RNF185: variants seen among roughly 807,000 people sequenced by gnomAD.
RNF185 encodes ring finger protein 185.
In RNF185, 13 loss-of-function variants were observed where a neutral mutation model predicts 24.9. That is an observed-to-expected ratio of 0.52 (90% CI 0.34 to 0.83). RNF185 has a LOEUF of 0.83. RNF185 is among the 40% of genes least tolerant of loss of function. The pLI is 0.01. For missense variants in RNF185, 184 were observed against 244.7 expected, an observed-to-expected ratio of 0.75 and a Z score of 1.65; for synonymous variants, 79 against 90.3, an observed-to-expected ratio of 0.88 and a Z score of 0.71.
intron 1 of RNF185, among the ~76,000 whole-genome samples, chr22:31,178,286 C>T (rs1375747237): frequency 6.6e-6 from 1 of 152,138 alleles, no homozygotes; most frequent in Non-Finnish European, 1.5e-5. Context: ...CTCTGTAGTC[C>T]CTGTGGATTG....
At chr22:31,201,430 T>G in intron 5 of RNF185, 68 bp from the exon 6 acceptor site, 50 of 1,122,378 alleles carry the variant, frequency 4.5e-5, no homozygotes, top group Middle Eastern at 5.8e-4. Context: ...TGAGGTATGT[T>G]GAGTTTTGAC....
chr22:31,197,060 C>T, intron 5 of RNF185, 70 bp downstream of exon 5: 1 of 1,588,902 alleles, frequency 6.3e-7, no homozygotes, highest in Non-Finnish European at 8.6e-7. Flanking sequence ...CTTAGCCTTA[C>T]AATTTTTCTC....
intron 5 of RNF185, among the ~76,000 whole-genome samples, chr22:31,200,111 CT>C (rs2048246073): frequency 6.6e-6 from 1 of 152,178 alleles, no homozygotes; most frequent in South Asian, 2.1e-4. Context: ...AATCCCAGCA[CT>C]TTGGGAGGCT....
At chr22:31,172,378 T>C (rs2047938889) in intron 1 of RNF185, among the ~76,000 whole-genome samples, 1 of 151,916 alleles carries the variant, frequency 6.6e-6, no homozygotes, top group Non-Finnish European at 1.5e-5. Flanking sequence ...CAATCATGAA[T>C]TCAGAATATT....
At chr22:31,189,872 G>T (rs1314991615) in intron 2 of RNF185, among the ~76,000 whole-genome samples, 3 of 152,166 alleles carry the variant, frequency 2.0e-5, no homozygotes, top group Non-Finnish European at 1.5e-5. Flanking sequence ...GGGATTACTG[G>T]TGTGAGCCAC....
Position 31,197,232 on chromosome 22 carries a change from A to G in RNF185, c.363+242A>G, listed in dbSNP as rs2048214333. Reference sequence around the variant, plus strand: ...ATTATATATACACACAAATTTTACAAATCTGTGCGTGTATTTTACAGATGT... The same window carrying G: ...ATTATATATACACACAAATTTTACAGATCTGTGCGTGTATTTTACAGATGT... On this transcript the variant is annotated intron_variant, in intron 5 of 6. Transcript: ENST00000326132. The G allele has an allele frequency of 1.2e-5, 5 of 431,314 alleles. No homozygotes were observed. The Admixed American group carries it at 1.6e-4, about 14-fold the overall frequency. The allele number at this position is 431,314 out of a possible 1,614,324, so 26.7% of individuals were successfully genotyped here. A position where few individuals can be genotyped will look rare whatever the true frequency, so the allele number is the denominator to read the frequency against.
intron 2 of RNF185, among the ~76,000 whole-genome samples, chr22:31,187,921 TTG>T (rs112799129): frequency 0.42 from 46,696 of 111,158 alleles, 8,595 homozygotes; most frequent in East Asian, 0.81. Context: ...TTTTGGTTTT[TTG>T]TGTGTGTGTG....
chr22:31,180,913 CTCTGTGTG>C (rs1555881697), intron 1 of RNF185, among the ~76,000 whole-genome samples: 4,982 of 60,622 alleles, frequency 0.082, 119 homozygotes, highest in South Asian at 0.15. Flanking sequence ...TTCTCTCTCT[CTCTGTGTG>C]TGTGTGTGTG....
At chr22:31,197,723 GT>G (rs373981062) in intron 5 of RNF185, among the ~76,000 whole-genome samples, 42 of 151,204 alleles carry the variant, frequency 2.8e-4, no homozygotes, top group African/African-American at 9.5e-4. Context: ...AGTTTTTTGA[GT>G]TTTTTTTTGT....
At position 31,187,145 on chromosome 22, in the gene RNF185, A is replaced by T; in HGVS notation, c.51A>T (p.Ala17=). Residue 17 remains alanine (A), a synonymous_variant, in exon 2 of 7, where the codon GCA becomes GCT. Coordinates refer to ENST00000326132, the MANE Select transcript of RNF185 (RefSeq NM_152267.4). ...CTGCATCTCCTGAGAACTCCAGTGC[A>T]GGGGGGCCCAGTGGGAGCAGCAATG... ...SASASPENSS[A]GGPSGSSNGA... 2 of 1,613,496 alleles carry T rather than the reference A, an allele frequency of 1.2e-6. No individual in the cohort carries two copies. The highest frequency in any genetic ancestry group is 8.5e-7 in the Non-Finnish European group (1 of 1,179,696).
At chr22:31,173,529 C>T (rs1176362075) in intron 1 of RNF185, among the ~76,000 whole-genome samples, 1 of 152,080 alleles carries the variant, frequency 6.6e-6, no homozygotes, top group East Asian at 1.9e-4. Context: ...ACAAGACGCA[C>T]AAGAACAGAT....
intron 1 of RNF185, among the ~76,000 whole-genome samples, chr22:31,183,393 A>C (rs1306027319): frequency 1.4e-5 from 2 of 148,014 alleles, no homozygotes; most frequent in Non-Finnish European, 3.0e-5. Flanking sequence ...TTTTTTTTTA[A>C]TTTTAGTATT....
intron 1 of RNF185, among the ~76,000 whole-genome samples, chr22:31,166,281 A>G (rs1027216616): frequency 9.9e-5 from 15 of 152,166 alleles, no homozygotes; most frequent in Admixed American, 5.2e-4. Context: ...ATGAGCCACC[A>G]TGCCCTGCCG....
intron 3 of RNF185, among the ~76,000 whole-genome samples, chr22:31,194,843 T>C (rs182468383): frequency 6.6e-6 from 1 of 152,184 alleles, no homozygotes; most frequent in Non-Finnish European, 1.5e-5. Flanking sequence ...GCAGCCTAAA[T>C]TGAGGCTGGG....
intron 1 of RNF185, among the ~76,000 whole-genome samples, chr22:31,185,822 A>G (rs1382926212): frequency 6.6e-6 from 1 of 152,038 alleles, no homozygotes; most frequent in Non-Finnish European, 1.5e-5. Flanking sequence ...GGGTTCTTTG[A>G]CTTGGAGGTG....
chr22:31,175,885 C>A (rs2047977610), intron 1 of RNF185, among the ~76,000 whole-genome samples: 1 of 152,066 alleles, frequency 6.6e-6, no homozygotes, highest in Non-Finnish European at 1.5e-5. Context: ...GATTGGTTTC[C>A]TTTTTGTTCT....
chr22:31,199,321 A>T (rs980213122), intron 5 of RNF185, among the ~76,000 whole-genome samples: 2 of 152,168 alleles, frequency 1.3e-5, no homozygotes, highest in African/African-American at 4.8e-5. Flanking sequence ...GGCCACACGT[A>T]CAGTGCTGAA....
chr22:31,186,116 G>A (rs2048096080), intron 1 of RNF185, among the ~76,000 whole-genome samples: 1 of 152,132 alleles, frequency 6.6e-6, no homozygotes, highest in Non-Finnish European at 1.5e-5. Context: ...ATTTATTACA[G>A]TGACATAAAC....
intron 1 of RNF185, among the ~76,000 whole-genome samples, chr22:31,179,235 C>A (rs924368800): frequency 6.6e-6 from 1 of 152,180 alleles, no homozygotes; most frequent in Non-Finnish European, 1.5e-5. Context: ...GGACCTGATT[C>A]TCTTTCTGCC....
Sources: allele counts gnomAD v4.1 joint callset (sites outside exome capture counted in the v4.1 genomes callset), GRCh38; gene constraint gnomAD v4.1.1; transcripts MANE v1.5; gene names NCBI Gene and HGNC (gene_info 2026-07-23, HGNC 2026-07-21).